Variants in FAM227B observed in about 807,000 individuals in gnomAD.
FAM227B encodes protein FAM227B.
Under a neutral mutation model 73.8 loss-of-function variants are expected in FAM227B, and 88 were observed. The ratio of observed to expected loss-of-function variants is 1.19; its 90% confidence interval spans 1.00 to 1.42. FAM227B has a LOEUF of 1.42. Among genes scored for constraint, FAM227B ranks in the 40% most tolerant of loss-of-function variants. The pLI is 0.00. For missense variants in FAM227B, 632 were observed against 590.9 expected (o/e 1.07, Z -0.72); for synonymous variants, 210 against 190.5 (o/e 1.10, Z -0.84).
At chr15:49,367,656 TAAAAAA>T in intron 12 of FAM227B, 48 bp from the exon 13 acceptor site, 1 of 1,485,464 alleles carries the variant, frequency 6.7e-7, no homozygotes, top group South Asian at 1.3e-5. Flanking sequence ...TTTGTGTTTC[TAAAAAA>T]CTGTGAATAA....
intron 11 of FAM227B, among the ~76,000 whole-genome samples, chr15:49,438,852 G>C (rs983365103): frequency 2.6e-5 from 4 of 151,360 alleles, no homozygotes; most frequent in Non-Finnish European, 1.5e-5. Flanking sequence ...AGAGTGGGTG[G>C]TAAGGTGAGA....
chr15:49,426,386 C>T (rs891888816), intron 11 of FAM227B, among the ~76,000 whole-genome samples: 8 of 151,830 alleles, frequency 5.3e-5, no homozygotes, highest in African/African-American at 1.9e-4. Flanking sequence ...AATAAGGTTA[C>T]CAAACCTTAA....
At chr15:49,594,323 A>C (rs879888060) in intron 3 of FAM227B, among the ~76,000 whole-genome samples, 2 of 152,016 alleles carry the variant, frequency 1.3e-5, no homozygotes, top group Non-Finnish European at 2.9e-5. Context: ...TCTGGATATT[A>C]GTCCTTTGTC....
At chr15:49,428,673 C>T (rs1481627864) in intron 11 of FAM227B, among the ~76,000 whole-genome samples, 1 of 151,980 alleles carries the variant, frequency 6.6e-6, no homozygotes, top group Non-Finnish European at 1.5e-5. Flanking sequence ...TCCAATCCCT[C>T]AGGATAATTT....
At chr15:49,385,138 T>C (rs1275872134) in intron 11 of FAM227B, among the ~76,000 whole-genome samples, 2 of 151,924 alleles carry the variant, frequency 1.3e-5, no homozygotes, top group Non-Finnish European at 2.9e-5. Context: ...AGGTTTCTTA[T>C]CAGGGCAGGT....
At position 49,551,145 on chromosome 15, in the gene FAM227B, G is replaced by A. The variant is rs553100475; in HGVS notation, c.748-9339C>T. Among the ~76,000 whole-genome samples the A allele has an allele frequency of 8.8e-4, 134 of 152,328 alleles. 5 individuals are homozygous for A. The South Asian group carries it at 0.026, about 30-fold the overall frequency. On this transcript the variant is annotated intron_variant, in intron 9 of 15. Transcript: ENST00000299338. ...AAAAATACGAAAACCAGTCAGGCGT[G>A]GCGTCACGCGCCTGCAATTGCAGGC...
At chr15:49,587,069 T>C (rs1224958023) in intron 5 of FAM227B, among the ~76,000 whole-genome samples, 1 of 152,132 alleles carries the variant, frequency 6.6e-6, no homozygotes, top group Non-Finnish European at 1.5e-5. Context: ...AGCAAAGGCA[T>C]GGAATCAACC....
intron 11 of FAM227B, among the ~76,000 whole-genome samples, chr15:49,462,218 T>C (rs1442995907): frequency 6.6e-6 from 1 of 152,180 alleles, no homozygotes; most frequent in African/African-American, 2.4e-5. Flanking sequence ...GAAAAAAAGA[T>C]TGATTATTGC....
intron 11 of FAM227B, among the ~76,000 whole-genome samples, chr15:49,375,890 T>C (rs1387073468): frequency 6.6e-6 from 1 of 152,100 alleles, no homozygotes; most frequent in East Asian, 1.9e-4. Context: ...GAGACTATCT[T>C]TATTTTATAA....
At chr15:49,400,535 A>T (rs1596910517) in intron 11 of FAM227B, among the ~76,000 whole-genome samples, 1 of 75,184 alleles carries the variant, frequency 1.3e-5, no homozygotes, top group East Asian at 2.7e-4. Flanking sequence ...AAGAGCCCGC[A>T]TTGCCAAGTC....
intron 11 of FAM227B, among the ~76,000 whole-genome samples, chr15:49,453,703 TC>T (rs2052997412): frequency 6.6e-6 from 1 of 152,178 alleles, no homozygotes; most frequent in South Asian, 2.1e-4. Context: ...TAATCTGAAA[TC>T]TGAAATTTCA....
intron 11 of FAM227B, among the ~76,000 whole-genome samples, chr15:49,433,180 T>A (rs2151797345): frequency 6.6e-6 from 1 of 151,702 alleles, no homozygotes; most frequent in Non-Finnish European, 1.5e-5. Context: ...AGATTTTCAA[T>A]ACAGAGCCAG....
intron 11 of FAM227B, among the ~76,000 whole-genome samples, chr15:49,399,271 C>T: frequency 1.7e-4 from 20 of 118,198 alleles, no homozygotes; most frequent in Non-Finnish European, 2.7e-4. Context: ...AATTCCTCAA[C>T]ACATACACTC....
chr15:49,462,320 C>T (rs188509067), intron 11 of FAM227B, among the ~76,000 whole-genome samples: 1 of 152,016 alleles, frequency 6.6e-6, no homozygotes, highest in African/African-American at 2.4e-5. Context: ...ATGTATTTTG[C>T]AAGATAAATA....
chr15:49,517,710 TAA>T (rs2152142058), intron 10 of FAM227B, among the ~76,000 whole-genome samples: 1 of 152,258 alleles, frequency 6.6e-6, no homozygotes, highest in South Asian at 2.1e-4. Context: ...GAACAAATCA[TAA>T]ATGTATAGCT....
intron 11 of FAM227B, chr15:49,484,279 A>G: frequency 6.6e-7 from 1 of 1,508,648 alleles, no homozygotes; most frequent in South Asian, 1.2e-5. Flanking sequence ...AATCATTTGG[A>G]TAATGTCTGT....
chr15:49,580,540 A>G (rs1598361086), intron 5 of FAM227B, among the ~76,000 whole-genome samples: 1 of 152,238 alleles, frequency 6.6e-6, no homozygotes, highest in South Asian at 2.1e-4. Flanking sequence ...CACACAGATG[A>G]GAATCAGCAC....
intron 11 of FAM227B, among the ~76,000 whole-genome samples, chr15:49,399,649 C>A (rs1039896034): frequency 1.6e-4 from 24 of 151,002 alleles, no homozygotes; most frequent in Admixed American, 4.6e-4. Flanking sequence ...AGCTTATCCA[C>A]CATGATCAAG....
At chr15:49,565,145 A>G (rs995620026) in intron 9 of FAM227B, among the ~76,000 whole-genome samples, 2 of 152,044 alleles carry the variant, frequency 1.3e-5, no homozygotes, top group African/African-American at 4.8e-5. Context: ...GCACTTTGGG[A>G]GGCTGAGGTG....
Sources: gnomAD v4.1 joint callset for allele counts (sites outside exome capture counted in the v4.1 genomes callset) on GRCh38, gnomAD v4.1.1 for gene constraint, MANE v1.5 for transcripts, NCBI Gene and HGNC (gene_info 2026-07-23, HGNC 2026-07-21) for gene names.